Variants in GRB10 observed in about 807,000 individuals in gnomAD.
The protein encoded by GRB10 is growth factor receptor-bound protein 10.
In GRB10, 20 loss-of-function variants were observed where a neutral mutation model predicts 80.9. The ratio of observed to expected loss-of-function variants is 0.25; its 90% confidence interval spans 0.17 to 0.36. The LOEUF is 0.36. GRB10 is among the 10% of genes least tolerant of loss of function. GRB10 has a pLI of 1.00. For synonymous variants in GRB10, 291 were observed against 291.5 expected (o/e 1.00, Z 0.02); for missense variants, 548 against 747.7 (o/e 0.73, Z 3.12).
At chr7:50,696,610 G>A (rs2063455626) in intron 5 of GRB10, among the ~76,000 whole-genome samples, 2 of 152,138 alleles carry the variant, frequency 1.3e-5, no homozygotes, top group Admixed American at 1.3e-4. Context: ...AACCCTTTGG[G>A]CATCTTTACT....
intron 7 of GRB10, among the ~76,000 whole-genome samples, chr7:50,646,724 G>A (rs946073931): frequency 4.6e-5 from 7 of 152,178 alleles, no homozygotes; most frequent in Non-Finnish European, 7.4e-5. Flanking sequence ...AAGTTTTCAC[G>A]TGAACTTCTC....
chr7:50,692,670 C>A (rs896627909), intron 5 of GRB10, among the ~76,000 whole-genome samples: 1 of 152,072 alleles, frequency 6.6e-6, no homozygotes. Context: ...TGACTTCAGA[C>A]CAGGCAGTAT....
intron 7 of GRB10, among the ~76,000 whole-genome samples, chr7:50,662,507 G>A (rs2059382703): frequency 6.6e-6 from 1 of 152,222 alleles, no homozygotes; most frequent in South Asian, 2.1e-4. Flanking sequence ...GACAGACTCA[G>A]AGTGTCTTCT....
chr7:50,592,950 G>C lies in GRB10; in HGVS notation c.*2C>G. The C allele has an allele frequency of 6.2e-7, 1 of 1,614,094 alleles. No homozygotes were observed. Among genetic ancestry groups the C allele is most frequent in the Non-Finnish European group, 8.5e-7 (1 of 1,179,964 alleles). On this transcript the variant is annotated 3_prime_UTR_variant, in exon 19 of 19. Transcript: ENST00000401949. ...AGTCTTCAGCCGAGAGGACATCTGC[G>C]GTCATAAGGCCACTCGGATGCAGTG...
chr7:50,681,069 A>G (rs947952230), intron 5 of GRB10, among the ~76,000 whole-genome samples: 1 of 152,236 alleles, frequency 6.6e-6, no homozygotes, highest in African/African-American at 2.4e-5. Context: ...ACATTTAAAT[A>G]TACACATTCT....
intron 4 of GRB10, 82 bp from the exon 5 acceptor site, chr7:50,703,990 T>C (rs1203270912): frequency 5.6e-5 from 51 of 908,580 alleles, no homozygotes. Context: ...TTCCCCAGCA[T>C]TTCCTTTCTT....
At chr7:50,783,706 T>C (rs190085049), upstream of GRB10, among the ~76,000 whole-genome samples, 6 of 152,356 alleles carry the variant, frequency 3.9e-5, no homozygotes, top group East Asian at 1.2e-3. Context: ...TAGGAAAAGC[T>C]AGACATTGTA....
intron 3 of GRB10, among the ~76,000 whole-genome samples, chr7:50,741,544 A>T (rs1248118013): frequency 3.5e-5 from 5 of 142,782 alleles, no homozygotes; most frequent in African/African-American, 1.3e-4. Context: ...AATTAGGAAC[A>T]TGTGTTTAAA....
intron 4 of GRB10, among the ~76,000 whole-genome samples, chr7:50,707,285 T>C (rs544729679): frequency 1.8e-4 from 28 of 152,344 alleles, no homozygotes; most frequent in African/African-American, 5.8e-4. Context: ...CCAAAAGTAG[T>C]TGATCAGTTC....
intron 7 of GRB10, among the ~76,000 whole-genome samples, chr7:50,662,202 A>G (rs1331469356): frequency 1.3e-5 from 2 of 152,158 alleles, no homozygotes; most frequent in Non-Finnish European, 2.9e-5. Context: ...GGTGCATGGC[A>G]GGAGGGGCAG....
intron 5 of GRB10, among the ~76,000 whole-genome samples, chr7:50,678,253 C>T (rs1317772409): frequency 1.3e-5 from 2 of 152,180 alleles, no homozygotes; most frequent in Non-Finnish European, 2.9e-5. Context: ...AACACATATC[C>T]TCAAAATGCT....
chr7:50,718,909 A>G (rs2067290109), intron 4 of GRB10, among the ~76,000 whole-genome samples: 1 of 152,128 alleles, frequency 6.6e-6, no homozygotes, highest in Non-Finnish European at 1.5e-5. Context: ...CCAATCACAG[A>G]GTTTCAGAGA....
At chr7:50,601,683 A>C (rs958977397) in intron 17 of GRB10, among the ~76,000 whole-genome samples, 1 of 152,160 alleles carries the variant, frequency 6.6e-6, no homozygotes, top group Non-Finnish European at 1.5e-5. Flanking sequence ...AAAAAAAAAC[A>C]ACAAAATCAA....
At chr7:50,675,399 G>A (rs901143533) in intron 5 of GRB10, among the ~76,000 whole-genome samples, 2 of 152,208 alleles carry the variant, frequency 1.3e-5, no homozygotes, top group African/African-American at 2.4e-5. Context: ...AGTGATGGTT[G>A]GTTTTATGTG....
At chr7:50,666,857 G>A (rs897775191) in intron 7 of GRB10, among the ~76,000 whole-genome samples, 1 of 152,012 alleles carries the variant, frequency 6.6e-6, no homozygotes, top group Admixed American at 6.5e-5. Context: ...TGGCTAACAC[G>A]GTGAAACCCC....
At chr7:50,777,292 A>G (rs1296081729) in intron 2 of GRB10, among the ~76,000 whole-genome samples, 4 of 152,088 alleles carry the variant, frequency 2.6e-5, no homozygotes, top group African/African-American at 9.7e-5. Context: ...CCCTTTTAAA[A>G]GGGCCCTAAT....
intron 7 of GRB10, among the ~76,000 whole-genome samples, chr7:50,655,110 A>C (rs1279732057): frequency 6.6e-6 from 1 of 152,130 alleles, no homozygotes; most frequent in East Asian, 1.9e-4. Context: ...TGACCTCAAA[A>C]CCCGAGGTCA....
intron 5 of GRB10, among the ~76,000 whole-genome samples, chr7:50,684,723 G>T (rs2061924125): frequency 6.6e-6 from 1 of 152,164 alleles, no homozygotes; most frequent in Non-Finnish European, 1.5e-5. Context: ...AGACACTTCG[G>T]GAGTGACAGA....
intron 4 of GRB10, among the ~76,000 whole-genome samples, chr7:50,706,273 A>AT (rs982548697): frequency 1.3e-5 from 2 of 152,016 alleles, no homozygotes; most frequent in Non-Finnish European, 2.9e-5. Flanking sequence ...AGTAAATACT[A>AT]TTTTTTTCAT....
Sources: allele counts gnomAD v4.1 joint callset (sites outside exome capture counted in the v4.1 genomes callset), GRCh38; gene constraint gnomAD v4.1.1; transcripts MANE v1.5; gene names NCBI Gene and HGNC (gene_info 2026-07-23, HGNC 2026-07-21).